MAGI2: variants seen among roughly 807,000 people sequenced by gnomAD.
MAGI2 encodes membrane associated guanylate kinase, WW and PDZ domain containing 2.
In MAGI2, 35 loss-of-function variants were observed where a neutral mutation model predicts 133.3. The observed-to-expected ratio is 0.26, with a 90% CI of 0.20 to 0.35. MAGI2 has a LOEUF of 0.35. Ranked by LOEUF, MAGI2 falls within the 10% of genes least tolerant of loss-of-function variation. The pLI is 1.00. For missense variants in MAGI2, 1,636 were observed against 1,863.4 expected (o/e 0.88, Z 2.25); for synonymous variants, 729 against 710.6 (o/e 1.03, Z -0.41).
intron 2 of MAGI2, among the ~76,000 whole-genome samples, chr7:78,650,361 C>A (rs147963440): frequency 3.3e-5 from 5 of 152,240 alleles, no homozygotes; most frequent in African/African-American, 1.2e-4. Context: ...GCATCCAGGG[C>A]TATAGAATGG....
chr7:78,265,893 T>C (rs2150972590), intron 9 of MAGI2, among the ~76,000 whole-genome samples: 1 of 152,316 alleles, frequency 6.6e-6, no homozygotes, highest in Middle Eastern at 3.4e-3. Flanking sequence ...GCGTAGCAAG[T>C]AGCTATCAAA....
intron 4 of MAGI2, among the ~76,000 whole-genome samples, chr7:78,511,533 T>TTTTATA (rs150680756): frequency 2.2e-4 from 30 of 134,552 alleles, no homozygotes; most frequent in Non-Finnish European, 2.2e-4. Context: ...TCACCATCTT[T>TTTTATA]TATATATATA....
At chr7:78,162,646 G>C (rs761653078) in intron 15 of MAGI2, among the ~76,000 whole-genome samples, 3 of 152,122 alleles carry the variant, frequency 2.0e-5, no homozygotes, top group Non-Finnish European at 4.4e-5. Flanking sequence ...TCAATGTGAG[G>C]ATTCCCTGGG....
intron 3 of MAGI2, among the ~76,000 whole-genome samples, chr7:78,589,623 C>A (rs186298109): frequency 2.5e-4 from 37 of 150,792 alleles, no homozygotes; most frequent in Non-Finnish European, 4.4e-5. Context: ...CCAAAGATAC[C>A]AGGTGTGATC....
Position 79,157,378 on chromosome 7 carries a change from G to C in MAGI2, c.302-150172C>G, listed in dbSNP as rs545679871. 2.0e-5 allele frequency among the ~76,000 whole-genome samples: 3 copies of C among 151,834 alleles called. No homozygotes were observed. The East Asian group carries it at 5.8e-4, about 29-fold the overall frequency. On this transcript the variant is annotated intron_variant, in intron 1 of 21. Transcript: ENST00000354212. Reference sequence around the variant, plus strand: ...AGTCTTGTCTAGGAAACGCATATAAGGGCTGATCACCCAGTGTTTTGAGCC... The same window carrying C: ...AGTCTTGTCTAGGAAACGCATATAACGGCTGATCACCCAGTGTTTTGAGCC...
chr7:78,820,626 A>G (rs374136910), intron 2 of MAGI2, among the ~76,000 whole-genome samples: 6 of 152,116 alleles, frequency 3.9e-5, no homozygotes, highest in African/African-American at 1.4e-4. Flanking sequence ...GTTTGACTCA[A>G]ATGAATAAAA....
chr7:79,144,932 T>C (rs2129546478), intron 1 of MAGI2, among the ~76,000 whole-genome samples: 1 of 152,348 alleles, frequency 6.6e-6, no homozygotes, highest in Admixed American at 6.5e-5. Flanking sequence ...GGAAATGTGC[T>C]GCTGCTCCAA....
At chr7:78,156,123 C>A (rs1824363038) in intron 16 of MAGI2, among the ~76,000 whole-genome samples, 1 of 152,118 alleles carries the variant, frequency 6.6e-6, no homozygotes, top group Non-Finnish European at 1.5e-5. Flanking sequence ...ACTTTTATAG[C>A]TTATTGGCTT....
At chr7:79,425,660 G>A (rs1040872725) in intron 1 of MAGI2, among the ~76,000 whole-genome samples, 3 of 151,122 alleles carry the variant, frequency 2.0e-5, no homozygotes, top group Non-Finnish European at 2.9e-5. Flanking sequence ...TCTCAGTTCT[G>A]TAACTGAGTT....
chr7:78,648,699 G>A (rs1434499110), intron 2 of MAGI2, among the ~76,000 whole-genome samples: 1 of 152,138 alleles, frequency 6.6e-6, no homozygotes, highest in Non-Finnish European at 1.5e-5. Context: ...CTACCAGGGT[G>A]GAGGACCACT....
intron 1 of MAGI2, among the ~76,000 whole-genome samples, chr7:79,379,035 C>T (rs1229572669): frequency 1.7e-4 from 25 of 147,808 alleles, no homozygotes; most frequent in African/African-American, 5.7e-4. Flanking sequence ...TATGTATACA[C>T]GTGCCATGTT....
At chr7:78,456,133 C>T (rs1393038645) in intron 6 of MAGI2, among the ~76,000 whole-genome samples, 3 of 151,626 alleles carry the variant, frequency 2.0e-5, no homozygotes, top group Non-Finnish European at 4.4e-5. Context: ...GAAGATGCAA[C>T]AAGCCAGGAG....
intron 21 of MAGI2, among the ~76,000 whole-genome samples, chr7:78,046,642 A>T (rs62461169): frequency 0.067 from 10,136 of 152,212 alleles, 341 homozygotes; most frequent in South Asian, 0.077. Flanking sequence ...TGTGTGACCT[A>T]TGAGGACACT....
intron 21 of MAGI2, among the ~76,000 whole-genome samples, chr7:78,033,402 G>T (rs948416089): frequency 3.4e-5 from 5 of 146,352 alleles, no homozygotes; most frequent in African/African-American, 1.3e-4. Flanking sequence ...GAGTCCAGGA[G>T]ATCAAGGGTG....
chr7:79,223,230 T>A (rs1277244283), intron 1 of MAGI2, among the ~76,000 whole-genome samples: 1 of 152,036 alleles, frequency 6.6e-6, no homozygotes, highest in Non-Finnish European at 1.5e-5. Flanking sequence ...CAACTTGAGA[T>A]GACAGTTCTC....
At chr7:78,456,254 T>G (rs890810310) in intron 6 of MAGI2, among the ~76,000 whole-genome samples, 4 of 152,162 alleles carry the variant, frequency 2.6e-5, no homozygotes, top group Non-Finnish European at 5.9e-5. Context: ...GCATTTGCTG[T>G]CAGCTCAGCT....
At chr7:78,822,756 A>G (rs1298829492) in intron 2 of MAGI2, among the ~76,000 whole-genome samples, 5 of 152,208 alleles carry the variant, frequency 3.3e-5, no homozygotes, top group Admixed American at 3.3e-4. Flanking sequence ...AACAAGAACA[A>G]AAGCTATTAA....
At chr7:78,220,770 A>G (rs1201671828) in intron 10 of MAGI2, among the ~76,000 whole-genome samples, 1 of 152,212 alleles carries the variant, frequency 6.6e-6, no homozygotes, top group Admixed American at 6.5e-5. Flanking sequence ...CAATTTAATG[A>G]TGTACCATGA....
intron 20 of MAGI2, among the ~76,000 whole-genome samples, chr7:78,083,118 A>G (rs547336452): frequency 9.2e-5 from 14 of 152,076 alleles, no homozygotes; most frequent in African/African-American, 3.4e-4. Flanking sequence ...ACTTTCCGCT[A>G]TCACAATCGG....
Sources: allele counts gnomAD v4.1 joint callset (sites outside exome capture counted in the v4.1 genomes callset), GRCh38; gene constraint gnomAD v4.1.1; transcripts MANE v1.5; gene names NCBI Gene and HGNC (gene_info 2026-07-23, HGNC 2026-07-21).